The following ERC2 variants were observed in gnomAD, a reference collection of about 807,000 sequenced individuals.
The protein encoded by ERC2 is ELKS/RAB6-interacting/CAST family member 2, also known as ERC protein 2.
In ERC2, 42 loss-of-function variants were observed where a neutral mutation model predicts 114.8. That is an observed-to-expected ratio of 0.37 (90% CI 0.29 to 0.47). ERC2 has a LOEUF of 0.47. Among genes scored for constraint, ERC2 ranks in the 20% least tolerant of loss-of-function variants. The pLI is 0.99. For synonymous variants in ERC2, 454 were observed against 425.5 expected (o/e 1.07, Z -0.82); for missense variants, 939 against 1,150.7 (o/e 0.82, Z 2.66).
intron 17 of ERC2, among the ~76,000 whole-genome samples, chr3:55,515,919 CGGA>C (rs1446259262): frequency 6.6e-6 from 1 of 152,000 alleles, no homozygotes; most frequent in Non-Finnish European, 1.5e-5. Flanking sequence ...TTGGTAAACA[CGGA>C]GGGGTTAAAG....
At chr3:56,087,730 C>T (rs2077578189) in intron 6 of ERC2, among the ~76,000 whole-genome samples, 1 of 152,086 alleles carries the variant, frequency 6.6e-6, no homozygotes, top group Admixed American at 6.6e-5. Flanking sequence ...GAAAATGAAA[C>T]TGGAACACTC....
chr3:55,770,460 G>A (rs2068108885), intron 14 of ERC2, among the ~76,000 whole-genome samples: 1 of 152,144 alleles, frequency 6.6e-6, no homozygotes, highest in South Asian at 2.1e-4. Flanking sequence ...CTGTATTCCT[G>A]CATGACAGAA....
At chr3:55,560,021 C>A (rs1299243756) in intron 17 of ERC2, among the ~76,000 whole-genome samples, 2 of 152,206 alleles carry the variant, frequency 1.3e-5, no homozygotes, top group Non-Finnish European at 2.9e-5. Flanking sequence ...GCTGAAGGAA[C>A]TTTAGCCCAG....
chr3:55,847,753 G>A (rs2061424210), intron 14 of ERC2, among the ~76,000 whole-genome samples: 1 of 152,142 alleles, frequency 6.6e-6, no homozygotes, highest in African/African-American at 2.4e-5. Flanking sequence ...CTGCATGGTG[G>A]CAATTTGGGT....
At chr3:55,918,673 G>A (rs2065240656) in intron 13 of ERC2, among the ~76,000 whole-genome samples, 1 of 151,730 alleles carries the variant, frequency 6.6e-6, no homozygotes, top group Non-Finnish European at 1.5e-5. Flanking sequence ...ATGCTGTGCT[G>A]TTAGGAAGCT....
chr3:56,033,509 C>T (rs546064991), intron 7 of ERC2, among the ~76,000 whole-genome samples: 13 of 152,270 alleles, frequency 8.5e-5, no homozygotes, highest in Non-Finnish European at 1.6e-4. Context: ...TGGTGACGAG[C>T]TTCTTTCATT....
At chr3:55,654,956 C>A (rs1187209910) in intron 17 of ERC2, among the ~76,000 whole-genome samples, 1 of 152,186 alleles carries the variant, frequency 6.6e-6, no homozygotes, top group Non-Finnish European at 1.5e-5. Flanking sequence ...TCTAACTGCC[C>A]ATTCTTGCAT....
At chr3:55,807,987 G>A (rs2059554880) in intron 14 of ERC2, among the ~76,000 whole-genome samples, 1 of 152,138 alleles carries the variant, frequency 6.6e-6, no homozygotes, top group Admixed American at 6.5e-5. Context: ...AAGGGTTGAG[G>A]GTTAAATTCT....
intron 6 of ERC2, among the ~76,000 whole-genome samples, chr3:56,131,546 C>G (rs547810599): frequency 1.3e-5 from 2 of 152,236 alleles, no homozygotes; most frequent in African/African-American, 4.8e-5. Context: ...AAAAAGCTAT[C>G]TCAGAAAGGA....
At chr3:56,071,173 T>C (rs892793549) in intron 7 of ERC2, among the ~76,000 whole-genome samples, 4 of 152,184 alleles carry the variant, frequency 2.6e-5, no homozygotes, top group Admixed American at 1.3e-4. Flanking sequence ...TCATTACCGA[T>C]GCTGAATGTG....
At chr3:56,076,670 A>G (rs1313726820) in intron 7 of ERC2, among the ~76,000 whole-genome samples, 1 of 152,200 alleles carries the variant, frequency 6.6e-6, no homozygotes. Flanking sequence ...GTATGTTAGT[A>G]GGGCCAAAAA....
At chr3:55,708,956 G>A (rs566111434) in intron 15 of ERC2, among the ~76,000 whole-genome samples, 1 of 145,828 alleles carries the variant, frequency 6.9e-6, no homozygotes, top group East Asian at 2.0e-4. Context: ...GAAAGACAGT[G>A]TTTGCAGGTA....
chr3:55,906,659 A>C (rs1169049200), intron 13 of ERC2, among the ~76,000 whole-genome samples: 1 of 152,206 alleles, frequency 6.6e-6, no homozygotes, highest in Non-Finnish European at 1.5e-5. Context: ...GCTTCACACA[A>C]TATTGCCCAC....
intron 17 of ERC2, among the ~76,000 whole-genome samples, chr3:55,680,274 A>C (rs2061994417): frequency 1.3e-5 from 2 of 152,226 alleles, no homozygotes; most frequent in South Asian, 4.1e-4. Context: ...GGTTTAAGAA[A>C]TAAAAACTTG....
chr3:55,544,508 G>T (rs1177328464), intron 17 of ERC2, among the ~76,000 whole-genome samples: 3 of 152,114 alleles, frequency 2.0e-5, no homozygotes, highest in African/African-American at 7.2e-5. Context: ...TATCAGTGGG[G>T]GAGGATGACG....
intron 17 of ERC2, among the ~76,000 whole-genome samples, chr3:55,566,733 C>T (rs57676313): frequency 6.6e-6 from 1 of 151,762 alleles, no homozygotes; most frequent in East Asian, 1.9e-4. Context: ...GATTGTTGTT[C>T]TATTACCCAG....
intron 12 of ERC2, among the ~76,000 whole-genome samples, chr3:55,963,765 A>G (rs2068554071): frequency 6.6e-6 from 1 of 152,174 alleles, no homozygotes; most frequent in African/African-American, 2.4e-5. Context: ...AGTTTGGAGC[A>G]ATATAAAAAC....
At chr3:55,720,006 T>TCCCC (rs371216866) in intron 15 of ERC2, among the ~76,000 whole-genome samples, 1 of 55,414 alleles carries the variant, frequency 1.8e-5, no homozygotes, top group Non-Finnish European at 3.4e-5. Flanking sequence ...CCTCCCTTCT[T>TCCCC]TCCCTCCCTC....
At chr3:55,889,131 C>T (rs758545182) in intron 13 of ERC2, among the ~76,000 whole-genome samples, 3 of 152,182 alleles carry the variant, frequency 2.0e-5, no homozygotes, top group Non-Finnish European at 4.4e-5. Context: ...AGGAAGGCAA[C>T]ACTCAAATGC....
Sources: allele counts gnomAD v4.1 joint callset (sites outside exome capture counted in the v4.1 genomes callset), GRCh38; gene constraint gnomAD v4.1.1; transcripts MANE v1.5; gene names NCBI Gene and HGNC (gene_info 2026-07-23, HGNC 2026-07-21).